The following MTSS1 variants were observed in gnomAD, a reference collection of about 807,000 sequenced individuals.
The protein encoded by MTSS1 is MTSS I-BAR domain containing 1.
MTSS1 carries 18 observed loss-of-function variants against 79.0 expected under a neutral mutation model. The ratio of observed to expected loss-of-function variants is 0.23; its 90% CI spans 0.16 to 0.34. The LOEUF is 0.34. Among genes scored for constraint, MTSS1 ranks in the 10% least tolerant of loss-of-function variants. MTSS1 has a pLI of 1.00. For synonymous variants in MTSS1, 341 were observed against 368.6 expected, an observed-to-expected ratio of 0.93 and a Z score of 0.86; for missense variants, 815 against 986.2, an observed-to-expected ratio of 0.83 and a Z score of 2.33.
At chr8:124,650,030 CT>C (rs747765543) in intron 3 of MTSS1, among the ~76,000 whole-genome samples, 3,843 of 142,822 alleles carry the variant, frequency 0.027, 152 homozygotes, top group African/African-American at 0.088. Context: ...GCTGAAGAGC[CT>C]TTTTTTTTTT....
At chr8:124,621,639 G>A (rs1285195378) in intron 3 of MTSS1, among the ~76,000 whole-genome samples, 1 of 152,136 alleles carries the variant, frequency 6.6e-6, no homozygotes, top group Non-Finnish European at 1.5e-5. Context: ...CCACCTCCCG[G>A]GTTCAAGTGA....
chr8:124,697,078 T>C (rs1342170182), intron 3 of MTSS1, among the ~76,000 whole-genome samples: 1 of 152,202 alleles, frequency 6.6e-6, no homozygotes, highest in South Asian at 2.1e-4. Context: ...GGGAGCAGCA[T>C]CTTCAGAATC....
intron 6 of MTSS1, among the ~76,000 whole-genome samples, chr8:124,577,395 G>T (rs1029474831): frequency 1.3e-5 from 2 of 152,204 alleles, no homozygotes; most frequent in African/African-American, 4.8e-5. Context: ...GAATGCAGGT[G>T]CACGCCACCA....
intron 6 of MTSS1, among the ~76,000 whole-genome samples, chr8:124,578,565 C>T (rs1349630024): frequency 6.6e-6 from 1 of 151,912 alleles, no homozygotes; most frequent in Non-Finnish European, 1.5e-5. Flanking sequence ...GAGGCCAAGG[C>T]AACAGGATCA....
chr8:124,689,716 AGCCTGG>A (rs780825993), intron 3 of MTSS1, among the ~76,000 whole-genome samples: 39 of 147,570 alleles, frequency 2.6e-4, no homozygotes, highest in Non-Finnish European at 4.3e-4. Flanking sequence ...ATTGCACTCC[AGCCTGG>A]GCAACGAGAG....
intron 6 of MTSS1, among the ~76,000 whole-genome samples, chr8:124,578,245 G>A (rs1321761791): frequency 1.3e-5 from 2 of 152,084 alleles, no homozygotes; most frequent in Admixed American, 6.5e-5. Context: ...TTGGTGGGAC[G>A]ACAGCCCTGC....
At chr8:124,558,852 A>G (rs766348985) in intron 10 of MTSS1, 9 of 1,537,734 alleles carry the variant, frequency 5.9e-6, no homozygotes, top group Admixed American at 3.9e-5. Flanking sequence ...GGGAGGGGCC[A>G]CACGAGGGGA....
chr8:124,577,302 T>G (rs1829145446), intron 6 of MTSS1, among the ~76,000 whole-genome samples: 1 of 152,172 alleles, frequency 6.6e-6, no homozygotes, highest in South Asian at 2.1e-4. Flanking sequence ...CAGACTGGAG[T>G]GCAGTGGAGC....
At position 124,555,830 on chromosome 8, in the gene MTSS1, C is replaced by T. The variant is rs1212649141; in HGVS notation, c.1479G>A (p.Arg493=). The part of the protein sequence containing the change: ...LSRGLQLDTQ[R]SSRDSLQCSS... ...AGCACTGAAGCGAGTCCCGGCTGCT[C>T]CTCTGGGTGTCCAGCTGCAGGCCCC... The change falls in exon 13 of 14, where the codon AGG becomes AGA. Residue 493 remains arginine, a synonymous_variant. Transcript: ENST00000518547. 2 of 1,613,550 alleles carry T rather than the reference C, an allele frequency of 1.2e-6. No homozygotes were observed. Among genetic ancestry groups the T allele is most frequent in the Non-Finnish European group, 1.7e-6 (2 of 1,179,958 alleles).
chr8:124,658,498 T>G (rs1256772010), intron 3 of MTSS1, among the ~76,000 whole-genome samples: 5 of 152,104 alleles, frequency 3.3e-5, no homozygotes, highest in Admixed American at 6.6e-5. Flanking sequence ...AGCATGAAAA[T>G]GGACTAACAC....
chr8:124,679,506 G>A (rs974792557), intron 3 of MTSS1, among the ~76,000 whole-genome samples: 1 of 152,316 alleles, frequency 6.6e-6, no homozygotes, highest in East Asian at 1.9e-4. Context: ...TACATATTAA[G>A]GTGCATGCAC....
intron 2 of MTSS1, among the ~76,000 whole-genome samples, chr8:124,700,318 C>G (rs997023257): frequency 6.6e-6 from 1 of 152,094 alleles, no homozygotes; most frequent in African/African-American, 2.4e-5. Context: ...GGGAAGGAAT[C>G]TGGTAGAAAG....
At position 124,557,595 on chromosome 8, in the gene MTSS1, G is replaced by C. The variant is rs1375034434; in HGVS notation, c.1230+86C>G. ...AGAGTGTGAAAGGAAGGGGATGAGG[G>C]GATAGTCGGGGTGAGGGGGTTGGAA... On this transcript the variant is annotated intron_variant, in intron 11 of 13. Coordinates refer to ENST00000518547, the MANE Select transcript of MTSS1 (RefSeq NM_014751.6). The C allele has an allele frequency of 2.3e-6, 3 of 1,296,394 alleles. No homozygotes were observed. The African/African-American group carries it at 4.4e-5, about 19-fold the overall frequency. The allele number at this position is 1,296,394 out of a possible 1,614,324, so 80.3% of individuals were successfully genotyped here. A position where few individuals can be genotyped will look rare whatever the true frequency, so the allele number is the denominator to read the frequency against.
At chr8:124,600,427 C>T (rs1833589868) in intron 3 of MTSS1, among the ~76,000 whole-genome samples, 1 of 152,228 alleles carries the variant, frequency 6.6e-6, no homozygotes, top group Non-Finnish European at 1.5e-5. Context: ...ACAGCGGATG[C>T]TGGTGAAGCC....
chr8:124,720,200 C>T (rs1278530220), intron 1 of MTSS1, among the ~76,000 whole-genome samples: 2 of 152,192 alleles, frequency 1.3e-5, no homozygotes, highest in East Asian at 3.8e-4. Context: ...AAGTGAGGAG[C>T]ACAGGCTGTG....
chr8:124,604,312 A>G (rs1461214274), intron 3 of MTSS1, among the ~76,000 whole-genome samples: 1 of 152,224 alleles, frequency 6.6e-6, no homozygotes, highest in African/African-American at 2.4e-5. Flanking sequence ...CCTGGGGCGC[A>G]TGGGGCCAAC....
At chr8:124,638,053 A>T (rs1002940436) in intron 3 of MTSS1, among the ~76,000 whole-genome samples, 4 of 152,248 alleles carry the variant, frequency 2.6e-5, no homozygotes, top group African/African-American at 9.6e-5. Flanking sequence ...TAGAAGAATC[A>T]CCTGAGACAT....
At chr8:124,578,303 C>A (rs896223204) in intron 6 of MTSS1, among the ~76,000 whole-genome samples, 70 of 152,148 alleles carry the variant, frequency 4.6e-4, no homozygotes, top group African/African-American at 1.5e-3. Context: ...ACACGTCTAC[C>A]CTTCACCACT....
At chr8:124,583,938 T>C (rs1306647813) in intron 6 of MTSS1, among the ~76,000 whole-genome samples, 1 of 152,234 alleles carries the variant, frequency 6.6e-6, no homozygotes, top group Non-Finnish European at 1.5e-5. Context: ...GATACAAATC[T>C]GAGAAGCTCC....
Sources: allele counts gnomAD v4.1 joint callset (sites outside exome capture counted in the v4.1 genomes callset), GRCh38; gene constraint gnomAD v4.1.1; transcripts MANE v1.5; gene names NCBI Gene and HGNC (gene_info 2026-07-23, HGNC 2026-07-21).